RUNX1: variants seen among roughly 807,000 people sequenced by gnomAD.
RUNX1 encodes the protein RUNX family transcription factor 1, also known as runt-related transcription factor 1.
RUNX1 carries 19 observed loss-of-function variants against 42.8 expected under a neutral mutation model. That is an observed-to-expected ratio of 0.44 (90% CI 0.31 to 0.65). The LOEUF (loss-of-function observed/expected upper bound fraction) is 0.65. Ranked by LOEUF, RUNX1 falls within the 30% of genes least tolerant of loss-of-function variation. RUNX1 has a pLI of 0.07. For missense variants in RUNX1, 528 were observed against 672.0 expected (o/e 0.79, Z 2.37); for synonymous variants, 271 against 289.4 (o/e 0.94, Z 0.64).
intron 8 of RUNX1, among the ~76,000 whole-genome samples, chr21:34,795,346 C>T (rs992955132): frequency 1.3e-5 from 2 of 152,146 alleles, no homozygotes; most frequent in South Asian, 2.1e-4. Context: ...CTCTCTCGCT[C>T]GCTCTCTCGT....
At chr21:34,834,155 G>A (rs886646027) in intron 7 of RUNX1, 4 of 687,562 alleles carry the variant, frequency 5.8e-6, no homozygotes, top group Non-Finnish European at 8.0e-6. Flanking sequence ...AGAGCTCCTC[G>A]TATCCTCTGT....
At chr21:35,016,804 G>C (rs1440348962) in intron 2 of RUNX1, among the ~76,000 whole-genome samples, 9 of 152,038 alleles carry the variant, frequency 5.9e-5, no homozygotes, top group African/African-American at 1.2e-4. Context: ...TCCCATCCAA[G>C]AGGCTCTACA....
In RUNX1 at chr21:34,919,744, A is replaced by G. The variant is rs184140878; in HGVS notation, c.59-26781T>C. 3.1e-4 allele frequency among the ~76,000 whole-genome samples: 47 copies of G among 152,378 alleles called. No individual in the cohort carries two copies. The East Asian group carries it at 6.0e-3, about 19-fold the overall frequency. On this transcript the variant is annotated intron_variant, in intron 2 of 8. Coordinates refer to ENST00000675419, the MANE Select transcript of RUNX1 (RefSeq NM_001754.5). Reference sequence around the variant, plus strand: ...CATGCATTTTGGTAACTGATGCTTGATAATTGAGTATTATTAGATTTAGGT... The same window carrying G: ...CATGCATTTTGGTAACTGATGCTTGGTAATTGAGTATTATTAGATTTAGGT...
chr21:34,948,518 C>G (rs2058582402), intron 2 of RUNX1, among the ~76,000 whole-genome samples: 1 of 152,106 alleles, frequency 6.6e-6, no homozygotes, highest in African/African-American at 2.4e-5. Flanking sequence ...CTCTCAGGGA[C>G]AGGGCCATGG....
rs145531544 is a variant in RUNX1 at position 35,010,600 on chromosome 21, C to T, written c.58+38242G>A. ...CAGGTAAACATAAAATATGGTCAGT[C>T]ACACTACCGTGAGTACACACACACG... is the stretch of plus-strand genomic sequence containing the variant. On this transcript the variant is annotated intron_variant, in intron 2 of 8. Transcript: ENST00000675419. 6.3e-3 allele frequency among the ~76,000 whole-genome samples: 960 copies of T among 151,394 alleles called. 5 individuals are homozygous for T. The highest frequency in any genetic ancestry group is 0.016 in the South Asian group (75 of 4,788).
chr21:34,959,957 G>A (rs1466477166), intron 2 of RUNX1, among the ~76,000 whole-genome samples: 1 of 152,096 alleles, frequency 6.6e-6, no homozygotes, highest in Non-Finnish European at 1.5e-5. Flanking sequence ...AGGGGTGTAG[G>A]ACTGGGCTGG....
intron 7 of RUNX1, chr21:34,833,488 C>A: frequency 6.6e-6 from 1 of 152,620 alleles, no homozygotes; most frequent in Middle Eastern, 3.4e-3. Context: ...TCCCACAATA[C>A]AACTCACATA....
chr21:34,864,338 G>A (rs771961601), intron 5 of RUNX1, among the ~76,000 whole-genome samples: 63 of 152,226 alleles, frequency 4.1e-4, no homozygotes, highest in Admixed American at 3.3e-4. Context: ...AGCTGCAGCC[G>A]GAATAGTGAG....
intron 2 of RUNX1, among the ~76,000 whole-genome samples, chr21:34,915,248 A>AT (rs1212419952): frequency 6.6e-6 from 1 of 152,356 alleles, no homozygotes; most frequent in East Asian, 1.9e-4. Context: ...TTTTGGAAAC[A>AT]TCTTAAATTC....
chr21:34,982,623 G>A (rs1296684802), intron 2 of RUNX1, among the ~76,000 whole-genome samples: 1 of 152,194 alleles, frequency 6.6e-6, no homozygotes, highest in African/African-American at 2.4e-5. Context: ...AGGCTGGAGT[G>A]TAGTGGCGCG....
chr21:34,834,634 GGGGAGGGA>G, intron 6 of RUNX1, 33 bp from the exon 7 acceptor site: 2 of 1,139,476 alleles, frequency 1.8e-6, no homozygotes, highest in Non-Finnish European at 2.6e-6. Context: ...GAGGGGATGG[GGGGAGGGA>G]AGGAGGGAGG....
At chr21:35,009,216 C>T (rs1390975601) in intron 2 of RUNX1, among the ~76,000 whole-genome samples, 1 of 152,178 alleles carries the variant, frequency 6.6e-6, no homozygotes, top group Admixed American at 6.5e-5. Context: ...CAACTGTTAG[C>T]ATTTGATGCG....
At chr21:34,875,238 A>G (rs1005520216) in intron 5 of RUNX1, among the ~76,000 whole-genome samples, 1 of 152,248 alleles carries the variant, frequency 6.6e-6, no homozygotes, top group Non-Finnish European at 1.5e-5. Context: ...GGCAGGGAGC[A>G]ACTTGCTTTA....
intron 6 of RUNX1, among the ~76,000 whole-genome samples, chr21:34,836,693 C>T (rs988377148): frequency 6.6e-6 from 1 of 152,208 alleles, no homozygotes; most frequent in African/African-American, 2.4e-5. Flanking sequence ...CAAAGGCTGC[C>T]GGCAGGTTTT....
chr21:34,834,078 A>T (rs1413733085), intron 7 of RUNX1: 1 of 517,602 alleles, frequency 1.9e-6, no homozygotes, highest in Non-Finnish European at 3.7e-6. Context: ...GTAAAAAAAT[A>T]GCATAGCCAA....
intron 2 of RUNX1, among the ~76,000 whole-genome samples, chr21:34,971,686 A>G (rs1277508187): frequency 6.6e-6 from 1 of 152,184 alleles, no homozygotes; most frequent in Non-Finnish European, 1.5e-5. Flanking sequence ...AGGCCTAACT[A>G]CACCAGAAGG....
chr21:35,027,282 T>G (rs2059244383), intron 2 of RUNX1, among the ~76,000 whole-genome samples: 1 of 152,228 alleles, frequency 6.6e-6, no homozygotes, highest in African/African-American at 2.4e-5. Flanking sequence ...GCAGGGCTCC[T>G]TAAACTTTTA....
intron 2 of RUNX1, among the ~76,000 whole-genome samples, chr21:34,938,782 C>T (rs953910552): frequency 6.6e-6 from 1 of 152,112 alleles, no homozygotes; most frequent in African/African-American, 2.4e-5. Context: ...TTATTACAAT[C>T]CCTATTATGT....
rs1437482254 is a variant in RUNX1, at chr21:35,037,901, C to T, written c.58+10941G>A. Among the ~76,000 whole-genome samples the T allele has an allele frequency of 3.3e-5, 5 of 150,482 alleles. No individual in the cohort carries two copies. In the Admixed American group the frequency reaches 3.3e-4, roughly 10 times the overall value. ...CACCAAGATCACTTCTGCACTGCTA[C>T]ATGATGAGAGAGGCAGACATTTCTT... is the stretch of plus-strand genomic sequence containing the variant. On this transcript the variant is annotated intron_variant, in intron 2 of 8. Coordinates refer to ENST00000675419, the MANE Select transcript of RUNX1 (RefSeq NM_001754.5).
Sources: gnomAD v4.1 joint callset for allele counts (sites outside exome capture counted in the v4.1 genomes callset) on GRCh38, gnomAD v4.1.1 for gene constraint, MANE v1.5 for transcripts, NCBI Gene and HGNC (gene_info 2026-07-23, HGNC 2026-07-21) for gene names.